CATSPERT: variants seen among roughly 807,000 people sequenced by gnomAD.
CATSPERT encodes catsper channel auxiliary subunit tau.
the CATSPERT span, among the ~76,000 whole-genome samples, chr2:201,609,096 ATTAGGTCATTAT>A: frequency 6.6e-6 from 1 of 152,190 alleles, no homozygotes; most frequent in Non-Finnish European, 1.5e-5. Context: ...AAAAAAGGTC[ATTAGGTCATTAT>A]ATAATGATAA....
At chr2:201,562,100 A>G in the CATSPERT span, among the ~76,000 whole-genome samples, 16 of 151,936 alleles carry the variant, frequency 1.1e-4, no homozygotes, top group African/African-American at 3.9e-4. Flanking sequence ...CTTTCATACA[A>G]ATTCATACAG....
chr2:201,550,681 A>G, the CATSPERT span: 8 of 152,236 alleles, frequency 5.3e-5, no homozygotes, highest in Non-Finnish European at 1.0e-4. Flanking sequence ...AAAGCAAGTG[A>G]TAACATTCCA....
the CATSPERT span, among the ~76,000 whole-genome samples, chr2:201,496,599 T>A: frequency 6.6e-6 from 1 of 152,206 alleles, no homozygotes; most frequent in Non-Finnish European, 1.5e-5. Flanking sequence ...TTCCTTGGCC[T>A]CCCAAAGTGC....
At chr2:201,536,773 TAAAC>T in the CATSPERT span, among the ~76,000 whole-genome samples, 1 of 151,970 alleles carries the variant, frequency 6.6e-6, no homozygotes, top group African/African-American at 2.4e-5. Context: ...GATAGCCTGT[TAAAC>T]TAAATAAATT....
chr2:201,572,099 T>C, the CATSPERT span: 1 of 1,026,546 alleles, frequency 9.7e-7, no homozygotes, highest in East Asian at 2.5e-5. Context: ...ACCATATTGA[T>C]ACCATAATGC....
chr2:201,575,079 G>A, the CATSPERT span, among the ~76,000 whole-genome samples: 176 of 137,336 alleles, frequency 1.3e-3, no homozygotes, highest in African/African-American at 4.4e-3. Flanking sequence ...AGGAGGAAGA[G>A]GAGGAGGAGA....
the CATSPERT span, among the ~76,000 whole-genome samples, chr2:201,527,497 A>C: frequency 6.6e-6 from 1 of 152,110 alleles, no homozygotes; most frequent in Non-Finnish European, 1.5e-5. Context: ...CACACTACCC[A>C]ACTTCAAACT....
the CATSPERT span, among the ~76,000 whole-genome samples, chr2:201,579,942 C>T: frequency 3.3e-5 from 5 of 151,356 alleles, no homozygotes; most frequent in Non-Finnish European, 7.4e-5. Flanking sequence ...GTCTCGAACT[C>T]CTGGGCTCAA....
chr2:201,563,155 A>T, the CATSPERT span, among the ~76,000 whole-genome samples: 1 of 35,432 alleles, frequency 2.8e-5, no homozygotes, highest in Admixed American at 3.8e-4. Flanking sequence ...CTGACCCCCC[A>T]CCTCCCTCCC....
chr2:201,600,721 G>C, the CATSPERT span, among the ~76,000 whole-genome samples: 3 of 151,370 alleles, frequency 2.0e-5, no homozygotes, highest in African/African-American at 7.3e-5. Context: ...TGGACAAATC[G>C]ATGAATCCTG....
chr2:201,602,187 T>C, the CATSPERT span, among the ~76,000 whole-genome samples: 3 of 152,118 alleles, frequency 2.0e-5, no homozygotes, highest in African/African-American at 7.2e-5. Flanking sequence ...AATATATAGT[T>C]GAAATTTTTC....
the CATSPERT span, among the ~76,000 whole-genome samples, chr2:201,551,839 C>G: frequency 6.6e-6 from 1 of 151,108 alleles, no homozygotes; most frequent in Non-Finnish European, 1.5e-5. Context: ...ACCCGGGAGC[C>G]GGAGGTTGCA....
At chr2:201,595,189 T>G in the CATSPERT span, among the ~76,000 whole-genome samples, 1 of 111,776 alleles carries the variant, frequency 8.9e-6, no homozygotes, top group Non-Finnish European at 1.8e-5. Context: ...TTAGTTTTCC[T>G]TCTTTTTTTT....
chr2:201,492,912 T>C, the CATSPERT span: 1 of 1,536,670 alleles, frequency 6.5e-7, no homozygotes, highest in Admixed American at 2.0e-5. Flanking sequence ...GTTTTACTTC[T>C]GACTCTGAGA....
At chr2:201,548,184 A>G in the CATSPERT span, among the ~76,000 whole-genome samples, 1 of 152,028 alleles carries the variant, frequency 6.6e-6, no homozygotes, top group Non-Finnish European at 1.5e-5. Flanking sequence ...ATTTCTCCTA[A>G]TGCTATCCCT....
chr2:201,549,313 G>C, the CATSPERT span, among the ~76,000 whole-genome samples: 1 of 151,828 alleles, frequency 6.6e-6, no homozygotes, highest in African/African-American at 2.4e-5. Context: ...TCATCAACAG[G>C]CTCATTTATT....
the CATSPERT span, chr2:201,555,190 A>G: frequency 1.3e-5 from 2 of 152,100 alleles, no homozygotes; most frequent in Non-Finnish European, 2.9e-5. Context: ...ATTATAACAC[A>G]CTCTATTTGT....
chr2:201,572,137 G>A, the CATSPERT span: 1 of 620,928 alleles, frequency 1.6e-6, no homozygotes, highest in Non-Finnish European at 2.7e-6. Context: ...TATGAAATAG[G>A]CCTTAAATGA....
chr2:201,549,763 T>C, the CATSPERT span: 2 of 152,172 alleles, frequency 1.3e-5, no homozygotes, highest in African/African-American at 4.8e-5. Context: ...ATTTCATTAA[T>C]ACTAACAACT....
Sources: allele counts gnomAD v4.1 joint callset (sites outside exome capture counted in the v4.1 genomes callset), GRCh38; gene constraint gnomAD v4.1.1; transcripts MANE v1.5; gene names NCBI Gene and HGNC (gene_info 2026-07-23, HGNC 2026-07-21).